The following ADAMTS16 variants were observed in gnomAD, a reference collection of about 807,000 sequenced individuals.
ADAMTS16 encodes the protein ADAM metallopeptidase with thrombospondin type 1 motif 16.
In ADAMTS16, 94 loss-of-function variants were observed where a neutral mutation model predicts 145.8. The observed-to-expected ratio is 0.64, with a 90% CI of 0.55 to 0.77. The LOEUF is 0.77. Among genes scored for constraint, ADAMTS16 ranks in the 30% least tolerant of loss-of-function variants. The probability of loss-of-function intolerance (pLI) is 0.00; values close to 1 mark genes in which losing one functional copy is unlikely to be tolerated. For synonymous variants in ADAMTS16, 659 were observed against 604.3 expected (o/e 1.09, Z -1.33); for missense variants, 1,585 against 1,591.5 (o/e 1.00, Z 0.07).
At chr5:5,260,073 T>C (rs375564359) in intron 17 of ADAMTS16, among the ~76,000 whole-genome samples, 3 of 152,374 alleles carry the variant, frequency 2.0e-5, no homozygotes, top group African/African-American at 7.2e-5. Context: ...TTACTTGTAT[T>C]GCCTTTCTGT....
chr5:5,168,634 ATAT>A (rs1734955273), intron 3 of ADAMTS16, among the ~76,000 whole-genome samples: 1 of 124,554 alleles, frequency 8.0e-6, no homozygotes, highest in East Asian at 2.1e-4. Context: ...ATTATATATA[ATAT>A]ATATAATTAT....
chr5:5,312,882 T>A (rs1201825663), intron 21 of ADAMTS16, among the ~76,000 whole-genome samples: 1 of 152,182 alleles, frequency 6.6e-6, no homozygotes, highest in Non-Finnish European at 1.5e-5. Flanking sequence ...GTGGGAAATG[T>A]GGGTCAGGGA....
intron 20 of ADAMTS16, among the ~76,000 whole-genome samples, chr5:5,304,684 C>T (rs1420218168): frequency 6.6e-6 from 1 of 152,104 alleles, no homozygotes; most frequent in Non-Finnish European, 1.5e-5. Flanking sequence ...CCTGTTGAGA[C>T]TCTGTTTCAG....
At chr5:5,232,599 T>TA in intron 12 of ADAMTS16, 83 bp downstream of exon 12, 32 of 1,052,470 alleles carry the variant, frequency 3.0e-5, no homozygotes, top group Non-Finnish European at 4.0e-5. Context: ...GTGTCTCAGC[T>TA]CTTTTTTTTT....
chr5:5,291,567 G>A (rs574047049), intron 18 of ADAMTS16, among the ~76,000 whole-genome samples: 1 of 152,144 alleles, frequency 6.6e-6, no homozygotes, highest in Admixed American at 6.5e-5. Context: ...TTGGTGTCCC[G>A]TGATTTCCTG....
intron 17 of ADAMTS16, among the ~76,000 whole-genome samples, chr5:5,251,996 G>A (rs1198796718): frequency 3.9e-5 from 6 of 152,068 alleles, no homozygotes; most frequent in South Asian, 2.1e-4. Context: ...GACTACAGGC[G>A]GCCGCCACCA....
At chr5:5,145,186 T>C (rs1251838557) in intron 2 of ADAMTS16, among the ~76,000 whole-genome samples, 1 of 152,158 alleles carries the variant, frequency 6.6e-6, no homozygotes, top group African/African-American at 2.4e-5. Flanking sequence ...GTCTTTCCCA[T>C]TTATGGAAAA....
Position 5,269,495 on chromosome 5 carries a change from C to G in ADAMTS16, c.2789+6712C>G, listed in dbSNP as rs1000137148. 1.3e-5 allele frequency among the ~76,000 whole-genome samples: 2 copies of G among 152,130 alleles called. No individual in the cohort carries two copies. Among genetic ancestry groups the G allele is most frequent in the Non-Finnish European group, 2.9e-5 (2 of 68,028 alleles). On this transcript the variant is annotated intron_variant, in intron 18 of 22. Coordinates refer to ENST00000274181, the MANE Select transcript of ADAMTS16 (RefSeq NM_139056.4). This position sits in a 1 kb window ranked among gnomAD's most constrained non-coding sequence, Gnocchi z 4.3. ...CATCACCTGCAATCTCCTCCATCTC[C>G]CTGCCCCACACTCTCCACCTGGGAC...
At chr5:5,196,237 CAA>C (rs10680781) in intron 8 of ADAMTS16, among the ~76,000 whole-genome samples, 5 of 95,078 alleles carry the variant, frequency 5.3e-5, no homozygotes, top group Admixed American at 1.3e-4. Context: ...GCCTCCATCT[CAA>C]AAAAAAAAAA....
Position 5,182,312 on chromosome 5 carries a change from A to C in ADAMTS16, c.763+7A>C. 6.2e-7 allele frequency: 1 copy of C among 1,607,270 alleles called. No individual in the cohort carries two copies. The highest frequency in any genetic ancestry group is 8.5e-7 in the Non-Finnish European group (1 of 1,174,850). ...TGTGGAAGACGCAAGAAATGTATGT[A>C]AGGGCGAATCTTTGTGTGTATTTAG... On this transcript the variant is annotated splice_region_variant and intron_variant, in intron 4 of 22. Transcript: ENST00000274181.
intron 4 of ADAMTS16, among the ~76,000 whole-genome samples, chr5:5,183,217 C>T (rs925251559): frequency 1.1e-4 from 17 of 152,216 alleles, no homozygotes; most frequent in African/African-American, 4.1e-4. Flanking sequence ...CCCAGATGAA[C>T]TTAGTGGGCT....
intron 13 of ADAMTS16, 60 bp downstream of exon 13, chr5:5,235,246 G>C: frequency 7.0e-7 from 1 of 1,423,316 alleles, no homozygotes; most frequent in Non-Finnish European, 9.3e-7. Flanking sequence ...ACTTTTTAAA[G>C]AAGTACATGA....
intron 17 of ADAMTS16, among the ~76,000 whole-genome samples, chr5:5,249,891 G>A (rs1386852902): frequency 1.3e-5 from 2 of 152,122 alleles, no homozygotes; most frequent in Non-Finnish European, 2.9e-5. Context: ...GTGGGAAAGG[G>A]AACTGGAAAG....
chr5:5,224,868 T>A (rs903535487), intron 11 of ADAMTS16, among the ~76,000 whole-genome samples: 2 of 152,220 alleles, frequency 1.3e-5, no homozygotes, highest in Admixed American at 6.5e-5. Flanking sequence ...GGTCAGGTGC[T>A]ACTTTTCCCT....
intron 17 of ADAMTS16, among the ~76,000 whole-genome samples, chr5:5,246,330 A>G (rs1409280248): frequency 6.6e-6 from 1 of 152,176 alleles, no homozygotes; most frequent in Non-Finnish European, 1.5e-5. Flanking sequence ...CACAGCAAAA[A>G]TTTCTCAGAC....
intron 8 of ADAMTS16, among the ~76,000 whole-genome samples, chr5:5,199,562 T>C (rs530435014): frequency 6.6e-6 from 1 of 152,288 alleles, no homozygotes; most frequent in African/African-American, 2.4e-5. Flanking sequence ...CCCTAATAGT[T>C]TGAGATGGAA....
At chr5:5,152,365 G>A (rs1734494962) in intron 3 of ADAMTS16, among the ~76,000 whole-genome samples, 1 of 152,222 alleles carries the variant, frequency 6.6e-6, no homozygotes, top group African/African-American at 2.4e-5. Flanking sequence ...TAACCTACAA[G>A]TGAGATGGAG....
In ADAMTS16 at chr5:5,312,453, T is replaced by A. The variant is rs557824431; in HGVS notation, c.3412-5681T>A. On this transcript the variant is annotated intron_variant, in intron 21 of 22. Coordinates refer to ENST00000274181, the MANE Select transcript of ADAMTS16 (RefSeq NM_139056.4). The stretch of plus-strand genomic sequence containing the variant: ...TGTTGTTTTTTGTTGTTGTTATTTT[T>A]TTTTTTTTTTTGAGACAGAGTTTTG... Among the ~76,000 whole-genome samples the A allele has an allele frequency of 9.3e-5, 14 of 150,798 alleles. No individual in the cohort carries two copies. The East Asian group carries it at 2.7e-3, about 29-fold the overall frequency.
At chr5:5,140,593 G>A (rs1734131340) in intron 1 of ADAMTS16, 54 bp downstream of exon 1, 1 of 1,516,044 alleles carries the variant, frequency 6.6e-7, no homozygotes, top group African/African-American at 1.4e-5. Context: ...GACAGCTGGA[G>A]GCGAGTCCCC....
Sources: allele counts gnomAD v4.1 joint callset (sites outside exome capture counted in the v4.1 genomes callset), GRCh38; gene constraint gnomAD v4.1.1; non-coding constraint Gnocchi (gnomAD v3.1); transcripts MANE v1.5; gene names NCBI Gene and HGNC (gene_info 2026-07-23, HGNC 2026-07-21).